Variants in R3HDM2 observed in about 807,000 individuals in gnomAD.
The protein encoded by R3HDM2 is R3H domain-containing protein 2.
In R3HDM2, 38 loss-of-function variants were observed where a neutral mutation model predicts 124.5. That is an observed-to-expected ratio of 0.31 (90% confidence interval 0.24 to 0.40). R3HDM2 has a LOEUF of 0.40. Ranked by LOEUF, R3HDM2 falls within the 10% of genes least tolerant of loss-of-function variation. R3HDM2 has a pLI of 1.00. For synonymous variants in R3HDM2, 391 were observed against 448.0 expected (o/e 0.87, Z 1.61); for missense variants, 869 against 1,236.9 (o/e 0.70, Z 4.46).
chr12:57,402,816 C>CA (rs1404230328), intron 1 of R3HDM2, among the ~76,000 whole-genome samples: 3 of 151,952 alleles, frequency 2.0e-5, no homozygotes, highest in Non-Finnish European at 2.9e-5. Flanking sequence ...CTTGGCCTCC[C>CA]AAAATGCTGG....
chr12:57,270,287 A>T (rs935221377), intron 14 of R3HDM2, among the ~76,000 whole-genome samples: 1 of 152,150 alleles, frequency 6.6e-6, no homozygotes, highest in African/African-American at 2.4e-5. Flanking sequence ...CAGTGGCTCA[A>T]TCCCAGCTCA....
chr12:57,254,522 A>AAAG lies in R3HDM2; in HGVS notation c.*248_*250dup. Reference sequence around the variant, plus strand: ...GTCTCAAAAAAAAAAAAAAAAAAAAAAAGAAGAGGATGGGAAGAAGAGTGA... The same window carrying AAAG: ...GTCTCAAAAAAAAAAAAAAAAAAAAAAAGAAGAAGAGGATGGGAAGAAGAGTGA... On this transcript the variant is annotated 3_prime_UTR_variant, in exon 24 of 24. Coordinates refer to ENST00000402412, the MANE Select transcript of R3HDM2 (RefSeq NM_001394031.1). 2.3e-6 allele frequency: 1 copy of AAAG among 426,144 alleles called. No homozygotes were observed. Among genetic ancestry groups the AAAG allele is most frequent in the Non-Finnish European group, 4.2e-6 (1 of 240,710 alleles). 26.4% of individuals were successfully genotyped at this position (426,144 alleles called of 1,614,324 possible).
chr12:57,397,494 T>C (rs2067664630), intron 1 of R3HDM2, among the ~76,000 whole-genome samples: 4 of 152,112 alleles, frequency 2.6e-5, no homozygotes, highest in Non-Finnish European at 4.4e-5. Flanking sequence ...TTAACAAAGG[T>C]TTCTATGAAA....
chr12:57,295,610 CAG>C lies in R3HDM2; in HGVS notation c.702-105_702-104del, dbSNP rs1242802089. 6.7e-5 allele frequency: 51 copies of C among 758,178 alleles called. No individual in the cohort carries two copies. The Middle Eastern group carries it at 9.3e-4, about 14-fold the overall frequency. 47.0% of individuals were successfully genotyped at this position (758,178 alleles called of 1,614,324 possible). A position where few individuals can be genotyped will look rare whatever the true frequency, so the allele number is the denominator to read the frequency against. On this transcript the variant is annotated intron_variant, in intron 9 of 23. Transcript: ENST00000402412. ...TCTCCTAAATTACACAACTCACACTCAGGGAATTTCTGGAGTAAGGAATCCAA... is the reference window on the plus strand; with the variant it reads ...TCTCCTAAATTACACAACTCACACTCGGAATTTCTGGAGTAAGGAATCCAA...
chr12:57,298,676 AC>A (rs1319893546), intron 6 of R3HDM2, among the ~76,000 whole-genome samples: 3 of 151,684 alleles, frequency 2.0e-5, no homozygotes, highest in Non-Finnish European at 4.4e-5. Flanking sequence ...AAAAAAAAAA[AC>A]CAGGCCAGGC....
chr12:57,430,030 T>C (rs527365093), intron 1 of R3HDM2, among the ~76,000 whole-genome samples: 5 of 152,226 alleles, frequency 3.3e-5, no homozygotes, highest in African/African-American at 1.2e-4. Flanking sequence ...GGGATCTGAA[T>C]TCAAACTTTT....
chr12:57,406,400 T>C (rs1376345217), intron 1 of R3HDM2, among the ~76,000 whole-genome samples: 1 of 152,116 alleles, frequency 6.6e-6, no homozygotes, highest in Non-Finnish European at 1.5e-5. Flanking sequence ...ATGACTATTT[T>C]TTAAAAACTC....
chr12:57,394,047 T>A (rs1250516762), intron 2 of R3HDM2, among the ~76,000 whole-genome samples: 1 of 152,122 alleles, frequency 6.6e-6, no homozygotes, highest in Non-Finnish European at 1.5e-5. Context: ...ATATCTGTAA[T>A]CCCAACACTT....
At chr12:57,338,167 G>T (rs1324617898) in intron 2 of R3HDM2, among the ~76,000 whole-genome samples, 2 of 152,110 alleles carry the variant, frequency 1.3e-5, no homozygotes, top group Non-Finnish European at 2.9e-5. Flanking sequence ...TCCGGGCATG[G>T]TGGCGCATGC....
At chr12:57,317,718 C>T (rs1024414680) in intron 2 of R3HDM2, among the ~76,000 whole-genome samples, 37 of 149,194 alleles carry the variant, frequency 2.5e-4, no homozygotes, top group Non-Finnish European at 4.3e-4. Flanking sequence ...CGGGCCAGGC[C>T]GGGTGGCTCG....
At chr12:57,265,528 AAAAAGAAAAG>A (rs112695589) in intron 19 of R3HDM2, among the ~76,000 whole-genome samples, 9 of 149,850 alleles carry the variant, frequency 6.0e-5, no homozygotes, top group Non-Finnish European at 1.2e-4. Context: ...AAAAAAAGAA[AAAAAGAAAAG>A]AAAAGAAAAG....
intron 2 of R3HDM2, among the ~76,000 whole-genome samples, chr12:57,329,869 A>T (rs2057885632): frequency 6.6e-6 from 1 of 152,094 alleles, no homozygotes; most frequent in Admixed American, 6.5e-5. Context: ...TATAGTTTTT[A>T]TTGTATAAGT....
intron 1 of R3HDM2, among the ~76,000 whole-genome samples, chr12:57,423,132 A>AAAG (rs975678066): frequency 6.6e-6 from 1 of 152,038 alleles, no homozygotes; most frequent in Non-Finnish European, 1.5e-5. Context: ...GGATGAAAAG[A>AAAG]GATCTGTGGC....
intron 21 of R3HDM2, 132 bp downstream of exon 21, chr12:57,257,858 G>A: frequency 9.9e-7 from 1 of 1,009,496 alleles, no homozygotes; most frequent in Non-Finnish European, 1.3e-6. Flanking sequence ...GGATGTTAAA[G>A]GAAGAGTTAA....
chr12:57,283,683 G>A (rs1429903067), intron 13 of R3HDM2, 141 bp downstream of exon 13: 2 of 803,768 alleles, frequency 2.5e-6, no homozygotes, highest in East Asian at 5.0e-5. Flanking sequence ...AGGTTGCAGT[G>A]AGCTGAGATC....
At chr12:57,374,424 T>C (rs954353582) in intron 2 of R3HDM2, among the ~76,000 whole-genome samples, 1 of 151,618 alleles carries the variant, frequency 6.6e-6, no homozygotes, top group Non-Finnish European at 1.5e-5. Flanking sequence ...GCGTGGTGGC[T>C]CACGTCTGTA....
At chr12:57,334,110 T>C (rs2058563888) in intron 2 of R3HDM2, among the ~76,000 whole-genome samples, 1 of 152,112 alleles carries the variant, frequency 6.6e-6, no homozygotes, top group South Asian at 2.1e-4. Context: ...CAGAAGGTCA[T>C]AGTTAGACTT....
Position 57,284,034 on chromosome 12 carries a change from G to T in R3HDM2, c.961C>A (p.Arg321Ser). 6.2e-7 allele frequency: 1 copy of T among 1,607,504 alleles called. No individual in the cohort carries two copies. The highest frequency in any genetic ancestry group is 8.5e-7 in the Non-Finnish European group (1 of 1,176,856). ...CTGCTCTGGCGGCTGCTTGAGGTGC[G>T]GCTCAGTCCTTCACGGTTCCCCCTG... Reference protein sequence around the residue: ...DIRGNREGLSRTSSSRQSSTD... With the variant: ...DIRGNREGLSSTSSSRQSSTD... The change falls in exon 13 of 24, where the codon CGC becomes AGC. Residue 321 changes from arginine (R) to serine (S), a missense_variant. This residue lies in a region of R3HDM2 where 267 missense variants were observed against 447.7 expected (regional missense o/e 0.60). Coordinates refer to ENST00000402412, the MANE Select transcript of R3HDM2 (RefSeq NM_001394031.1).
intron 2 of R3HDM2, among the ~76,000 whole-genome samples, chr12:57,317,609 T>TA (rs1456553933): frequency 6.7e-6 from 1 of 148,446 alleles, no homozygotes; most frequent in East Asian, 2.0e-4. Flanking sequence ...TTGAGTTTAT[T>TA]ATGTCAGAAT....
Sources: allele counts gnomAD v4.1 joint callset (sites outside exome capture counted in the v4.1 genomes callset), GRCh38; gene constraint gnomAD v4.1.1; regional missense constraint gnomAD v4.1.1; transcripts MANE v1.5; gene names NCBI Gene and HGNC (gene_info 2026-07-23, HGNC 2026-07-21).